The following GRM8 variants were observed in gnomAD, a reference collection of about 807,000 sequenced individuals.
The protein encoded by GRM8 is metabotropic glutamate receptor 8.
Under a neutral mutation model 87.2 loss-of-function variants are expected in GRM8, and 47 were observed. The observed-to-expected ratio is 0.54, with a 90% confidence interval of 0.43 to 0.69. GRM8 has a LOEUF of 0.69. GRM8 is among the 30% of genes least tolerant of loss of function. The probability of loss-of-function intolerance (pLI) is 0.00; values close to 1 mark genes in which losing one functional copy is unlikely to be tolerated. For missense variants in GRM8, 1,019 were observed against 1,139.2 expected (o/e 0.89, Z 1.52); for synonymous variants, 396 against 404.5 (o/e 0.98, Z 0.25).
intron 3 of GRM8, among the ~76,000 whole-genome samples, chr7:127,071,960 C>A (rs17867045): frequency 6.6e-6 from 1 of 151,990 alleles, no homozygotes; most frequent in Non-Finnish European, 1.5e-5. Context: ...ATGTGGAATG[C>A]CACTGATACC....
intron 7 of GRM8, among the ~76,000 whole-genome samples, chr7:126,712,988 T>A (rs950498404): frequency 6.6e-6 from 1 of 152,302 alleles, no homozygotes; most frequent in Non-Finnish European, 1.5e-5. Context: ...ACTTTTACAC[T>A]GTTTTGGTGG....
chr7:126,921,813 A>G (rs1027655322), intron 3 of GRM8, among the ~76,000 whole-genome samples: 3 of 152,140 alleles, frequency 2.0e-5, no homozygotes, highest in African/African-American at 7.2e-5. Flanking sequence ...ACCTTTTTTT[A>G]GGAAGCTTCT....
chr7:126,643,330 A>G (rs1482232287), intron 7 of GRM8, among the ~76,000 whole-genome samples: 1 of 30,902 alleles, frequency 3.2e-5, no homozygotes, highest in Non-Finnish European at 7.2e-5. Context: ...ATATATATAT[A>G]TATATATATA....
chr7:126,471,853 C>T (rs998694481), intron 9 of GRM8, among the ~76,000 whole-genome samples: 4 of 152,102 alleles, frequency 2.6e-5, no homozygotes, highest in African/African-American at 9.6e-5. Context: ...TGTTTGTATC[C>T]TCTTTTATTT....
intron 3 of GRM8, among the ~76,000 whole-genome samples, chr7:126,935,948 G>A (rs1806268728): frequency 6.6e-6 from 1 of 152,172 alleles, no homozygotes; most frequent in Non-Finnish European, 1.5e-5. Context: ...TTCAGACAGG[G>A]TAAGCTCATC....
chr7:126,956,353 T>G (rs1419350824), intron 3 of GRM8, among the ~76,000 whole-genome samples: 1 of 152,224 alleles, frequency 6.6e-6, no homozygotes, highest in Admixed American at 6.5e-5. Flanking sequence ...AGCCTCAGTT[T>G]CATTGGAAAA....
intron 6 of GRM8, among the ~76,000 whole-genome samples, chr7:126,835,455 T>A (rs1203518102): frequency 1.3e-5 from 2 of 152,142 alleles, no homozygotes; most frequent in African/African-American, 4.8e-5. Flanking sequence ...TCAGGAAATA[T>A]AATAAAAATC....
intron 7 of GRM8, among the ~76,000 whole-genome samples, chr7:126,768,943 AAAG>A (rs774754840): frequency 1.4e-5 from 2 of 147,162 alleles, no homozygotes; most frequent in South Asian, 2.1e-4. Context: ...AAAAAAAAAT[AAAG>A]AAGAAGTTTC....
At position 127,210,058 on chromosome 7, in the gene GRM8, C is replaced by G. The variant is rs1173825557; in HGVS notation, c.510+32637G>C. On this transcript the variant is annotated intron_variant, in intron 2 of 10. Coordinates refer to ENST00000339582, the MANE Select transcript of GRM8 (RefSeq NM_000845.3). Reference sequence around the variant, plus strand: ...CTGTTAAGAGTTGGAATGTTAAACTCTAAAGATAAGCCTGAAAACCAGCTT... The same window carrying G: ...CTGTTAAGAGTTGGAATGTTAAACTGTAAAGATAAGCCTGAAAACCAGCTT... Among the ~76,000 whole-genome samples, 10 of 152,238 alleles carry G rather than the reference C, an allele frequency of 6.6e-5. No homozygotes were observed. In the South Asian group the frequency reaches 2.1e-3, roughly 32 times the overall value.
At chr7:127,171,832 GC>G (rs1563556570) in intron 2 of GRM8, among the ~76,000 whole-genome samples, 1 of 152,092 alleles carries the variant, frequency 6.6e-6, no homozygotes, top group Non-Finnish European at 1.5e-5. Context: ...CTACAAGTAA[GC>G]TAATTCAGAG....
chr7:126,516,383 G>A lies in GRM8; in HGVS notation c.2430+16569C>T, dbSNP rs562485865. 3.9e-5 allele frequency among the ~76,000 whole-genome samples: 6 copies of A among 151,992 alleles called. No individual in the cohort carries two copies. The South Asian group carries it at 1.0e-3, about 26-fold the overall frequency. On this transcript the variant is annotated intron_variant, in intron 9 of 10. Transcript: ENST00000339582. ...CTGTAGAACTGAAAAAGAATTTGTG[G>A]GATCATCTGTTAAGACCTCTTATGG...
At chr7:127,231,441 T>C (rs17869766) in intron 2 of GRM8, among the ~76,000 whole-genome samples, 1,578 of 152,338 alleles carry the variant, frequency 0.01, 22 homozygotes, top group African/African-American at 0.036. Context: ...ATAATTGATA[T>C]GTTTGACTGA....
chr7:126,953,499 T>C (rs1055582172), intron 3 of GRM8, among the ~76,000 whole-genome samples: 3 of 152,182 alleles, frequency 2.0e-5, no homozygotes, highest in Non-Finnish European at 4.4e-5. Context: ...ACTCTATTGC[T>C]AAGATGGACG....
At chr7:127,040,781 T>C (rs1295471059) in intron 3 of GRM8, among the ~76,000 whole-genome samples, 1 of 152,230 alleles carries the variant, frequency 6.6e-6, no homozygotes, top group Non-Finnish European at 1.5e-5. Context: ...GCTTCTCACC[T>C]TTCAAGCCTA....
chr7:127,251,018 T>C (rs185513707), intron 1 of GRM8: 2 of 152,282 alleles, frequency 1.3e-5, no homozygotes, highest in Admixed American at 1.3e-4. Context: ...CAGACTCTAG[T>C]GTATTCTTGG....
intron 2 of GRM8, among the ~76,000 whole-genome samples, chr7:127,198,837 ATTTTTT>A (rs35710456): frequency 7.9e-6 from 1 of 125,814 alleles, no homozygotes; most frequent in Non-Finnish European, 1.7e-5. Flanking sequence ...ACCGTGCCTA[ATTTTTT>A]TTTTTTTTTT....
At chr7:126,504,613 T>C (rs991263080) in intron 9 of GRM8, among the ~76,000 whole-genome samples, 19 of 152,060 alleles carry the variant, frequency 1.2e-4, no homozygotes, top group Non-Finnish European at 2.4e-4. Flanking sequence ...ACAATTTACC[T>C]ATATAACAAA....
intron 3 of GRM8, among the ~76,000 whole-genome samples, chr7:126,961,637 A>T (rs1235437827): frequency 1.3e-5 from 2 of 152,176 alleles, no homozygotes. Context: ...GACACAGCAG[A>T]TCCCAAGAAC....
rs143137340 is a variant in GRM8 at position 126,806,225 on chromosome 7, C to T, written c.1157-36160G>A. 8.5e-5 allele frequency among the ~76,000 whole-genome samples: 13 copies of T among 152,346 alleles called. 1 individual carries two copies. The East Asian group carries it at 2.3e-3, about 27-fold the overall frequency. The stretch of plus-strand genomic sequence containing the variant: ...CTCGCTGACTTCAGGAGTGAAGCTG[C>T]AGACCTTCCCGGTGAGTGCTACAGC... On this transcript the variant is annotated intron_variant, in intron 6 of 10. Coordinates refer to ENST00000339582, the MANE Select transcript of GRM8 (RefSeq NM_000845.3).
Sources: allele counts gnomAD v4.1 joint callset (sites outside exome capture counted in the v4.1 genomes callset), GRCh38; gene constraint gnomAD v4.1.1; transcripts MANE v1.5; gene names NCBI Gene and HGNC (gene_info 2026-07-23, HGNC 2026-07-21).